ADAMTS18: variants seen among roughly 807,000 people sequenced by gnomAD.
ADAMTS18 encodes A disintegrin and metalloproteinase with thrombospondin motifs 18.
In ADAMTS18, 157 loss-of-function variants were observed where a neutral mutation model predicts 165.9. That is an observed-to-expected ratio of 0.95 (90% CI 0.83 to 1.08). ADAMTS18 has a LOEUF of 1.08. Ranked by LOEUF, ADAMTS18 falls within the 50% of genes least tolerant of loss-of-function variation. The pLI is 0.00. For missense variants in ADAMTS18, 2,040 were observed against 1,534.0 expected (o/e 1.33, Z -5.51); for synonymous variants, 782 against 578.2 (o/e 1.35, Z -5.06).
At chr16:77,309,308 C>T (rs571376736) in intron 16 of ADAMTS18, among the ~76,000 whole-genome samples, 3 of 151,736 alleles carry the variant, frequency 2.0e-5, no homozygotes, top group African/African-American at 2.4e-5. Flanking sequence ...TATATGTGTA[C>T]GTATTTCAAG....
intron 3 of ADAMTS18, among the ~76,000 whole-genome samples, chr16:77,399,261 C>A (rs981766829): frequency 6.6e-6 from 1 of 152,154 alleles, no homozygotes. Context: ...GGCTAGGTAC[C>A]ACTTCAGGCA....
At chr16:77,342,202 T>C (rs2056408910) in intron 10 of ADAMTS18, among the ~76,000 whole-genome samples, 1 of 152,312 alleles carries the variant, frequency 6.6e-6, no homozygotes, top group South Asian at 2.1e-4. Flanking sequence ...GGACATGTTA[T>C]GGAATCCCTT....
At chr16:77,340,545 C>G (rs565932582) in intron 11 of ADAMTS18, among the ~76,000 whole-genome samples, 35 of 152,200 alleles carry the variant, frequency 2.3e-4, no homozygotes, top group African/African-American at 8.2e-4. Flanking sequence ...CTCCTGTTCC[C>G]CATATCTAGT....
intron 3 of ADAMTS18, among the ~76,000 whole-genome samples, chr16:77,423,004 G>A (rs548005120): frequency 1.3e-4 from 20 of 152,286 alleles, no homozygotes; most frequent in African/African-American, 4.8e-4. Flanking sequence ...GTCCCCCATA[G>A]GTGAAGCTTT....
intron 6 of ADAMTS18, 39 bp downstream of exon 6, chr16:77,363,763 G>C (rs371334021): frequency 2.3e-5 from 36 of 1,574,226 alleles, no homozygotes; most frequent in Non-Finnish European, 3.1e-5. Flanking sequence ...ATTCTGAACG[G>C]CAGACTGAAT....
At chr16:77,372,430 T>C (rs1444043975) in intron 3 of ADAMTS18, among the ~76,000 whole-genome samples, 1 of 152,208 alleles carries the variant, frequency 6.6e-6, no homozygotes, top group African/African-American at 2.4e-5. Flanking sequence ...TATCCAGCCA[T>C]TAAGATCATG....
intron 3 of ADAMTS18, among the ~76,000 whole-genome samples, chr16:77,392,334 TCCCAGCTACA>T (rs1372315133): frequency 1.3e-5 from 2 of 152,166 alleles, no homozygotes; most frequent in Non-Finnish European, 1.5e-5. Context: ...ATTAACTGAG[TCCCAGCTACA>T]CTGGCCTGAT....
In ADAMTS18 at chr16:77,300,248, G is replaced by T. The variant is rs2055554754; in HGVS notation, c.2674+15C>A. On this transcript the variant is annotated intron_variant, in intron 17 of 22. Transcript: ENST00000282849. ...GAGAGACAGACTTTGGAGACAGAAT[G>T]AGAAAATCATCTACCTCCACCACAG... 1 of 1,613,864 alleles carries T rather than the reference G, an allele frequency of 6.2e-7. No individual in the cohort carries two copies. The highest frequency in any genetic ancestry group is 8.5e-7 in the Non-Finnish European group (1 of 1,179,788).
At chr16:77,372,554 C>G (rs1283830854) in intron 3 of ADAMTS18, among the ~76,000 whole-genome samples, 4 of 152,200 alleles carry the variant, frequency 2.6e-5, no homozygotes, top group African/African-American at 9.7e-5. Context: ...ACATGCTGGG[C>G]ACCTGAGTCC....
Position 77,325,893 on chromosome 16 carries a change from G to A in ADAMTS18, c.2005C>T (p.Gln669Ter). ...TCCACTTTTGTATAGGGTTTCCACT[G>A]GTAGAACCATCCACGGAAAGGTTTG... ...NSKPFRGWFY[Q>*]WKPYTKVEEE... Residue 669 changes from glutamine (Q) to a stop codon, truncating the protein, a stop_gained, in exon 13 of 23, where the codon CAG (glutamine) becomes TAG (stop). Coordinates refer to ENST00000282849, the MANE Select transcript of ADAMTS18 (RefSeq NM_199355.4). LOFTEE classifies it high-confidence loss of function. 6.2e-7 allele frequency: 1 copy of A among 1,613,952 alleles called. No individual in the cohort carries two copies. Among genetic ancestry groups the A allele is most frequent in the Non-Finnish European group, 8.5e-7 (1 of 1,179,962 alleles).
chr16:77,294,952 G>A lies in ADAMTS18; in HGVS notation c.2977C>T (p.Pro993Ser), dbSNP rs756811678. 31 of 1,614,170 alleles carry A rather than the reference G, an allele frequency of 1.9e-5. No individual in the cohort carries two copies. Among genetic ancestry groups the A allele is most frequent in the Non-Finnish European group, 2.5e-5 (29 of 1,180,016 alleles). ...VQACNSHACP[P>S]QWSLGPWSQC... ...GACCAGGGTCCAAGGCTCCATTGTGGAGGGCAGGCATGGCTGTTGCAGGCT... is the reference window on the plus strand; with the variant it reads ...GACCAGGGTCCAAGGCTCCATTGTGAAGGGCAGGCATGGCTGTTGCAGGCT... The change falls in exon 19 of 23, where the codon CCA becomes TCA. Residue 993 changes from proline to serine, a missense_variant. Coordinates refer to ENST00000282849, the MANE Select transcript of ADAMTS18 (RefSeq NM_199355.4).
Position 77,335,823 on chromosome 16 carries a change from A to C in ADAMTS18, c.1792T>G (p.Trp598Gly). 1 of 1,614,194 alleles carries C rather than the reference A, an allele frequency of 6.2e-7. No homozygotes were observed. The highest frequency in any genetic ancestry group is 8.5e-7 in the Non-Finnish European group (1 of 1,180,028). The change falls in exon 12 of 23, where the codon TGG becomes GGG. Residue 598 changes from tryptophan (W) to glycine (G), a missense_variant. Trp to Gly is a radical substitution (Grantham distance 184). Transcript: ENST00000282849. ...IHGQWSAWSK[W>G]SECSRTCGGG... ...CCACATGTCCGGGAACATTCTGACC[A>C]CTTCGACCAGGCGGACCACTGGCCG...
intron 19 of ADAMTS18, among the ~76,000 whole-genome samples, chr16:77,293,636 A>G (rs565406543): frequency 4.0e-5 from 6 of 151,556 alleles, no homozygotes; most frequent in East Asian, 1.9e-4. Flanking sequence ...TCAGTCTCCA[A>G]TTTCTTTGGC....
chr16:77,326,627 C>A (rs1312101992), intron 12 of ADAMTS18, among the ~76,000 whole-genome samples: 1 of 152,034 alleles, frequency 6.6e-6, no homozygotes, highest in African/African-American at 2.4e-5. Context: ...AAGTGATCCA[C>A]CCCCATCAGG....
intron 3 of ADAMTS18, among the ~76,000 whole-genome samples, chr16:77,379,500 A>T (rs992683165): frequency 3.3e-5 from 5 of 151,884 alleles, no homozygotes; most frequent in Non-Finnish European, 7.4e-5. Context: ...TATTTTATTT[A>T]TTTTTTGAGA....
rs770019651 is a variant in ADAMTS18 at position 77,431,464 on chromosome 16, T to C, written c.326A>G (p.His109Arg). 1.1e-5 allele frequency: 18 copies of C among 1,614,106 alleles called. No homozygotes were observed. Among genetic ancestry groups the C allele is most frequent in the Non-Finnish European group, 1.4e-5 (17 of 1,180,054 alleles). ...YRFSAFGQEL[H>R]LELKPSAILS... ...AATCGCCGAGGGCTTAAGTTCTAAG[T>C]GCAGTTCCTGTCCAAATGCTGAAAA... The change falls in exon 3 of 23, where the codon CAC (histidine) becomes CGC (arginine). Residue 109 changes from histidine to arginine, a missense_variant. Coordinates refer to ENST00000282849, the MANE Select transcript of ADAMTS18 (RefSeq NM_199355.4).
At chr16:77,405,630 C>T (rs532944347) in intron 3 of ADAMTS18, among the ~76,000 whole-genome samples, 1 of 152,130 alleles carries the variant, frequency 6.6e-6, no homozygotes, top group Admixed American at 6.5e-5. Context: ...AACAAAATAC[C>T]ATACACCATG....
At chr16:77,356,978 T>C (rs975083817) in intron 8 of ADAMTS18, among the ~76,000 whole-genome samples, 1 of 136,476 alleles carries the variant, frequency 7.3e-6, no homozygotes, top group African/African-American at 2.8e-5. Flanking sequence ...GAAAAGTCTT[T>C]TCTGAAATTT....
intron 3 of ADAMTS18, among the ~76,000 whole-genome samples, chr16:77,369,083 G>A (rs779532019): frequency 1.3e-5 from 2 of 152,198 alleles, no homozygotes; most frequent in Non-Finnish European, 2.9e-5. Context: ...CCTCACCCAG[G>A]AACCTGTGGG....
Sources: allele counts gnomAD v4.1 joint callset (sites outside exome capture counted in the v4.1 genomes callset), GRCh38; gene constraint gnomAD v4.1.1; transcripts MANE v1.5; gene names NCBI Gene and HGNC (gene_info 2026-07-23, HGNC 2026-07-21).